Variants in SLC27A2 observed in about 807,000 individuals in gnomAD.
SLC27A2 encodes solute carrier family 27 member 2.
A neutral mutation model predicts 60.0 loss-of-function variants in SLC27A2; 54 were observed. The ratio of observed to expected loss-of-function variants is 0.90; its 90% CI spans 0.72 to 1.13. SLC27A2 has a LOEUF of 1.13. Among genes scored for constraint, SLC27A2 ranks in the 50% most tolerant of loss-of-function variants. SLC27A2 has a pLI of 0.00. For missense variants in SLC27A2, 739 were observed against 777.6 expected, an observed-to-expected ratio of 0.95 and a Z score of 0.59; for synonymous variants, 297 against 297.6, an observed-to-expected ratio of 1.00 and a Z score of 0.02.
In SLC27A2 at chr15:50,205,331, G is replaced by A. The variant is rs1270776642; in HGVS notation, c.940G>A (p.Glu314Lys). ...YNVTVIQYIG[E>K]LLRYLCNSPQ... is the part of the protein sequence containing the mutation. ...CGTCACTGTCATTCAGTATATCGGT[G>A]AACTGCTTCGGTATTTATGCAACTC... Residue 314 changes from glutamate to lysine, a missense_variant, in exon 4 of 10, where the codon GAA becomes AAA. Coordinates refer to ENST00000267842, the MANE Select transcript of SLC27A2 (RefSeq NM_003645.4). 1 of 1,607,396 alleles carries A rather than the reference G, an allele frequency of 6.2e-7. No homozygotes were observed. The highest frequency in any genetic ancestry group is 8.5e-7 in the Non-Finnish European group (1 of 1,175,922).
chr15:50,204,800 A>G (rs1209115702), intron 3 of SLC27A2, among the ~76,000 whole-genome samples: 1 of 148,728 alleles, frequency 6.7e-6, no homozygotes, highest in African/African-American at 2.5e-5. Flanking sequence ...ATATATATGT[A>G]TGTGTGTGTG....
rs201515086 is a variant in SLC27A2, at chr15:50,236,041, T to C, written c.1808T>C (p.Val603Ala). 6.8e-6 allele frequency: 11 copies of C among 1,614,018 alleles called. No homozygotes were observed. Among genetic ancestry groups the C allele is most frequent in the Non-Finnish European group, 1.7e-6 (2 of 1,179,930 alleles). ...YFLDDTAKMY[V>A]PMTEDIYNAI... Reference sequence around the variant, plus strand: ...TTGGATGACACAGCAAAAATGTATGTGCCTATGACTGAGGACATCTATAAT... The same window carrying C: ...TTGGATGACACAGCAAAAATGTATGCGCCTATGACTGAGGACATCTATAAT... The change falls in exon 10 of 10, where the codon GTG becomes GCG. Residue 603 changes from valine to alanine, a missense_variant. By Grantham distance (64) the Val-to-Ala change is moderately conservative. Transcript: ENST00000267842.
At chr15:50,196,751 CT>C (rs1035761565) in intron 1 of SLC27A2, among the ~76,000 whole-genome samples, 18 of 152,128 alleles carry the variant, frequency 1.2e-4, no homozygotes, top group African/African-American at 3.6e-4. Context: ...TTAATCACTC[CT>C]TTTTTTTCCC....
chr15:50,225,780 G>T (rs1397193600), intron 5 of SLC27A2, among the ~76,000 whole-genome samples: 2 of 152,120 alleles, frequency 1.3e-5, no homozygotes, highest in African/African-American at 4.8e-5. Flanking sequence ...AGTCAGAATA[G>T]TAGTTAACTT....
At chr15:50,224,798 G>A (rs1013544709) in intron 5 of SLC27A2, among the ~76,000 whole-genome samples, 1 of 152,156 alleles carries the variant, frequency 6.6e-6, no homozygotes, top group African/African-American at 2.4e-5. Context: ...AGTAACTACC[G>A]TATTGAGCAA....
chr15:50,215,483 C>T (rs2045188487), intron 4 of SLC27A2, among the ~76,000 whole-genome samples: 1 of 151,736 alleles, frequency 6.6e-6, no homozygotes, highest in African/African-American at 2.4e-5. Flanking sequence ...CATATGGAAC[C>T]AAAAAAAGAG....
intron 4 of SLC27A2, 144 bp downstream of exon 4, chr15:50,205,507 A>G: frequency 1.5e-6 from 1 of 673,912 alleles, no homozygotes; most frequent in South Asian, 3.4e-5. Context: ...ACTTGGCACT[A>G]TACCTACCAT....
In SLC27A2 at chr15:50,182,736, G is replaced by C. The variant is rs1173645514; in HGVS notation, c.309G>C (p.Gln103His). Residue 103 changes from glutamine (Q) to histidine (H), a missense_variant, in exon 1 of 10, where the codon CAG (glutamine) becomes CAC (histidine). Transcript: ENST00000267842. Reference protein sequence around the residue: ...RALHDHLGLRQGDCVALLMGN... With the variant: ...RALHDHLGLRHGDCVALLMGN... The stretch of plus-strand genomic sequence containing the variant: ...TGCACGACCACCTCGGCCTGCGCCA[G>C]GGAGACTGCGTGGCGCTCCTTATGG... 1 of 1,613,948 alleles carries C rather than the reference G, an allele frequency of 6.2e-7. No homozygotes were observed. Among genetic ancestry groups the C allele is most frequent in the Non-Finnish European group, 8.5e-7 (1 of 1,179,962 alleles).
intron 4 of SLC27A2, 58 bp from the exon 5 acceptor site, chr15:50,222,907 T>C (rs2045253225): frequency 2.3e-6 from 3 of 1,322,028 alleles, no homozygotes; most frequent in Admixed American, 2.3e-5. Flanking sequence ...ATTATTAATA[T>C]GTAAGCATAG....
chr15:50,211,915 C>CA (rs143641035), intron 4 of SLC27A2, among the ~76,000 whole-genome samples: 32,796 of 150,172 alleles, frequency 0.22, 3,906 homozygotes, highest in African/African-American at 0.31. Flanking sequence ...ACTAAAAATA[C>CA]AAAAAAATTA....
intron 4 of SLC27A2, among the ~76,000 whole-genome samples, chr15:50,211,189 G>C (rs187123378): frequency 6.6e-6 from 1 of 152,158 alleles, no homozygotes; most frequent in Non-Finnish European, 1.5e-5. Flanking sequence ...GCACAAAACA[G>C]GGAATTAAAC....
At chr15:50,221,782 A>T (rs2045244195) in intron 4 of SLC27A2, 1 of 152,280 alleles carries the variant, frequency 6.6e-6, no homozygotes. Flanking sequence ...GAGTAACAGA[A>T]TTTACAACGT....
At chr15:50,211,051 C>T (rs1219673731) in intron 4 of SLC27A2, among the ~76,000 whole-genome samples, 1 of 152,232 alleles carries the variant, frequency 6.6e-6, no homozygotes, top group Non-Finnish European at 1.5e-5. Context: ...TCCCTATCCA[C>T]CTTGGTATCA....
chr15:50,184,848 T>TA (rs920682412), intron 1 of SLC27A2, among the ~76,000 whole-genome samples: 9 of 151,606 alleles, frequency 5.9e-5, no homozygotes, highest in Non-Finnish European at 1.2e-4. Context: ...AAAAACAGAA[T>TA]AAAAAAAAGA....
chr15:50,185,520 C>T (rs2044913652), intron 1 of SLC27A2, among the ~76,000 whole-genome samples: 1 of 150,032 alleles, frequency 6.7e-6, no homozygotes, highest in Non-Finnish European at 1.5e-5. Context: ...TAGAGATATT[C>T]TAACCCTATA....
chr15:50,186,672 C>T (rs754058790), intron 1 of SLC27A2, among the ~76,000 whole-genome samples: 20 of 152,264 alleles, frequency 1.3e-4, no homozygotes, highest in Middle Eastern at 3.4e-3. Context: ...CTCTTGACCT[C>T]GTGATCCACC....
intron 6 of SLC27A2, 119 bp from the exon 7 acceptor site, chr15:50,226,861 A>G (rs117258376): frequency 0.01 from 7,474 of 721,076 alleles, 57 homozygotes; most frequent in Non-Finnish European, 0.014. Flanking sequence ...TGCATGGAAA[A>G]TGATACTTCC....
At chr15:50,194,842 G>GA (rs150751800) in intron 1 of SLC27A2, among the ~76,000 whole-genome samples, 212 of 149,958 alleles carry the variant, frequency 1.4e-3, no homozygotes, top group African/African-American at 4.8e-3. Flanking sequence ...TGGGGCAAAA[G>GA]AAAAAAAAAG....
chr15:50,194,353 A>T (rs2044997622), intron 1 of SLC27A2, among the ~76,000 whole-genome samples: 1 of 152,076 alleles, frequency 6.6e-6, no homozygotes, highest in South Asian at 2.1e-4. Flanking sequence ...CCATGAAACA[A>T]CCTGGGCAAA....
Sources: allele counts gnomAD v4.1 joint callset (sites outside exome capture counted in the v4.1 genomes callset), GRCh38; gene constraint gnomAD v4.1.1; transcripts MANE v1.5; gene names NCBI Gene and HGNC (gene_info 2026-07-23, HGNC 2026-07-21).